The following TMCO2 variants were observed in gnomAD, a reference collection of about 807,000 sequenced individuals.
TMCO2 encodes transmembrane and coiled-coil domains 2.
Under a neutral mutation model 18.0 loss-of-function variants are expected in TMCO2, and 15 were observed. The observed-to-expected ratio is 0.84, with a 90% CI of 0.56 to 1.29. The LOEUF is 1.29. Among genes scored for constraint, TMCO2 ranks in the 50% most tolerant of loss-of-function variants. TMCO2 has a pLI of 0.00. For synonymous variants in TMCO2, 79 were observed against 75.9 expected (o/e 1.04, Z -0.21); for missense variants, 182 against 200.9 (o/e 0.91, Z 0.57).
intron 1 of TMCO2, among the ~76,000 whole-genome samples, chr1:40,251,006 G>A (rs1440968756): frequency 1.3e-5 from 2 of 151,944 alleles, no homozygotes; most frequent in Admixed American, 6.6e-5. Flanking sequence ...GCGTGGTGGT[G>A]GGCGCCTGTA....
chr1:40,248,810 A>G (rs1463846399), intron 1 of TMCO2, among the ~76,000 whole-genome samples: 1 of 152,210 alleles, frequency 6.6e-6, no homozygotes, highest in Non-Finnish European at 1.5e-5. Flanking sequence ...ATGCTTTGAG[A>G]ATCTCAAAAA....
At chr1:40,250,296 A>C (rs1486884935) in intron 1 of TMCO2, among the ~76,000 whole-genome samples, 2 of 150,186 alleles carry the variant, frequency 1.3e-5, no homozygotes, top group East Asian at 3.9e-4. Context: ...GTCCACACCT[A>C]TAATTTATTT....
intron 1 of TMCO2, among the ~76,000 whole-genome samples, chr1:40,250,753 A>G (rs74068385): frequency 6.6e-6 from 1 of 152,344 alleles, no homozygotes; most frequent in African/African-American, 2.4e-5. Flanking sequence ...ATCTATTATT[A>G]CAATCTTGAT....
chr1:40,251,604 G>A lies in TMCO2; in HGVS notation c.*10G>A, dbSNP rs556074383. ...TACTTCCCCCATTTGAAATGTGATG[G>A]ACTCCAATCTTTTCCAGGAAAGCAC... is the stretch of plus-strand genomic sequence containing the variant. On this transcript the variant is annotated 3_prime_UTR_variant, in exon 2 of 2. Coordinates refer to ENST00000372766, the MANE Select transcript of TMCO2 (RefSeq NM_001008740.4). 1 of 1,592,944 alleles carries A rather than the reference G, an allele frequency of 6.3e-7. No individual in the cohort carries two copies. Among genetic ancestry groups the A allele is most frequent in the Non-Finnish European group, 8.5e-7 (1 of 1,175,116 alleles).
chr1:40,250,485 T>A (rs963840868), intron 1 of TMCO2, among the ~76,000 whole-genome samples: 3 of 152,028 alleles, frequency 2.0e-5, no homozygotes, highest in African/African-American at 7.2e-5. Flanking sequence ...GTGTGTGCCA[T>A]TGTACCCAGA....
chr1:40,249,312 C>T (rs111893397), intron 1 of TMCO2, among the ~76,000 whole-genome samples: 5 of 143,224 alleles, frequency 3.5e-5, no homozygotes, highest in African/African-American at 8.0e-5. Flanking sequence ...TACGCGCATG[C>T]GCATATATAT....
chr1:40,248,173 G>A lies in TMCO2; in HGVS notation c.180G>A (p.Leu60=). 1 of 1,614,016 alleles carries A rather than the reference G, an allele frequency of 6.2e-7. No homozygotes were observed. Among genetic ancestry groups the A allele is most frequent in the Non-Finnish European group, 8.5e-7 (1 of 1,179,986 alleles). ...AVQIILRISF[L]ILLGIGIYAL... is the part of the protein sequence containing the mutation. ...AAATCATCTTGAGGATTTCTTTCTT[G>A]ATTTTATTGGGAATAGGAATATATG... The change falls in exon 1 of 2, where the codon TTG becomes TTA. Residue 60 remains leucine, a synonymous_variant. Transcript: ENST00000372766.
intron 1 of TMCO2, among the ~76,000 whole-genome samples, chr1:40,248,499 C>A (rs1390501853): frequency 1.3e-5 from 2 of 152,148 alleles, no homozygotes; most frequent in African/African-American, 2.4e-5. Flanking sequence ...GCCTTACCCT[C>A]AAAAATTTTT....
At chr1:40,250,737 A>T (rs1643375587) in intron 1 of TMCO2, among the ~76,000 whole-genome samples, 1 of 152,220 alleles carries the variant, frequency 6.6e-6, no homozygotes. Flanking sequence ...CATTCAGAAA[A>T]TGGTTATCTA....
chr1:40,249,255 A>ATGTG (rs3075101), intron 1 of TMCO2, among the ~76,000 whole-genome samples: 9,805 of 139,850 alleles, frequency 0.07, 384 homozygotes, highest in Middle Eastern at 0.089. Flanking sequence ...TTGAACAGGA[A>ATGTG]TGTGTGTGTG....
chr1:40,248,033 G>C lies in TMCO2; in HGVS notation c.40G>C (p.Glu14Gln). The C allele has an allele frequency of 6.2e-7, 1 of 1,614,166 alleles. No individual in the cohort carries two copies. Residue 14 changes from glutamate (E) to glutamine (Q), a missense_variant, in exon 1 of 2, where the codon GAG becomes CAG. Transcript: ENST00000372766. ...SSSSSWDNLL[E>Q]SLSLSTVWNW... ...ATCTTCTAGCTGGGACAACCTCTTA[G>C]AGTCTCTCTCTCTCAGCACAGTATG...
chr1:40,248,230 G>C lies in TMCO2; in HGVS notation c.237G>C (p.Gln79His). ...GGAAACGAAGTATTCAGTCAATTCA[G>C]GTTATACTCTTTTGTTACAAACATT... is the stretch of plus-strand genomic sequence containing the variant. ...ALWKRSIQSI[Q>H]KTLLFVITLY... is the part of the protein sequence containing the mutation. The change falls in exon 1 of 2, where the codon CAG (glutamine) becomes CAC (histidine). Residue 79 changes from glutamine (Q) to histidine (H), a missense_variant and splice_region_variant. Gln to His is a conservative substitution (Grantham distance 24). Coordinates refer to ENST00000372766, the MANE Select transcript of TMCO2 (RefSeq NM_001008740.4). 1.2e-6 allele frequency: 2 copies of C among 1,604,096 alleles called. No homozygotes were observed. The highest frequency in any genetic ancestry group is 1.3e-5 in the African/African-American group (1 of 74,726).
Position 40,251,651 on chromosome 1 carries a change from G to T in TMCO2, c.*57G>T. The T allele has an allele frequency of 6.5e-7, 1 of 1,538,228 alleles. No individual in the cohort carries two copies. Among genetic ancestry groups the T allele is most frequent in the Non-Finnish European group, 8.8e-7 (1 of 1,135,232 alleles). ...GCACTGTTTCCCTCATGTGTGCAGT[G>T]GTGTATCAATAAAGATAGAGAACGC... On this transcript the variant is annotated 3_prime_UTR_variant, in exon 2 of 2. Transcript: ENST00000372766.
At chr1:40,250,553 C>T (rs1037887597) in intron 1 of TMCO2, among the ~76,000 whole-genome samples, 1 of 152,092 alleles carries the variant, frequency 6.6e-6, no homozygotes, top group African/African-American at 2.4e-5. Context: ...GTTTTTCAGA[C>T]TACTATGTCC....
At chr1:40,250,008 T>A (rs942413197) in intron 1 of TMCO2, among the ~76,000 whole-genome samples, 1 of 151,668 alleles carries the variant, frequency 6.6e-6, no homozygotes, top group African/African-American at 2.4e-5. Context: ...TTTTTTTTTA[T>A]GTTTTAGAGA....
rs187171427 is a variant in TMCO2, at chr1:40,251,605, A to G, written c.*11A>G. 6.3e-6 allele frequency: 10 copies of G among 1,590,614 alleles called. No homozygotes were observed. In the East Asian group the frequency reaches 1.1e-4, roughly 18 times the overall value. ...ACTTCCCCCATTTGAAATGTGATGG[A>G]CTCCAATCTTTTCCAGGAAAGCACT... On this transcript the variant is annotated 3_prime_UTR_variant, in exon 2 of 2. Transcript: ENST00000372766.
Position 40,248,023 on chromosome 1 carries a change from C to T in TMCO2, c.30C>T (p.Asp10=), listed in dbSNP as rs368878850. 40 of 1,614,078 alleles carry T rather than the reference C, an allele frequency of 2.5e-5. No individual in the cohort carries two copies. Among genetic ancestry groups the T allele is most frequent in the Non-Finnish European group, 3.4e-5 (40 of 1,180,032 alleles). The change falls in exon 1 of 2, where the codon GAC becomes GAT. Residue 10 remains aspartate (D), a synonymous_variant. Coordinates refer to ENST00000372766, the MANE Select transcript of TMCO2 (RefSeq NM_001008740.4). MSTSSSSSW[D]NLLESLSLST... is the part of the protein sequence containing the mutation. ...CAACATCTTCATCTTCTAGCTGGGA[C>T]AACCTCTTAGAGTCTCTCTCTCTCA...
rs761324353 is a variant in TMCO2 at position 40,248,076 on chromosome 1, G to GT, written c.89dup (p.Leu30PhefsTer5). 3.3e-5 allele frequency: 53 copies of GT among 1,614,076 alleles called. No individual in the cohort carries two copies. Among genetic ancestry groups the GT allele is most frequent in the Non-Finnish European group, 4.2e-5 (49 of 1,180,040 alleles). On this transcript the variant is annotated frameshift_variant, in exon 1 of 2. Transcript: ENST00000372766. LOFTEE classifies it high-confidence loss of function. ...ACAGTATGGAATTGGATACAAGCAA[G>GT]TTTTTTGGGAGAGACTAGTGCACCT...
intron 1 of TMCO2, among the ~76,000 whole-genome samples, chr1:40,248,926 T>C (rs1005460905): frequency 1.3e-5 from 2 of 152,226 alleles, no homozygotes; most frequent in Non-Finnish European, 2.9e-5. Flanking sequence ...ACGGCTTTCT[T>C]AGAGTGACAA....
Sources: gnomAD v4.1 joint callset for allele counts (sites outside exome capture counted in the v4.1 genomes callset) on GRCh38, gnomAD v4.1.1 for gene constraint, MANE v1.5 for transcripts, NCBI Gene and HGNC (gene_info 2026-07-23, HGNC 2026-07-21) for gene names.